Variants in ARMH4 observed in about 807,000 individuals in gnomAD.
ARMH4 encodes armadillo-like helical domain-containing protein 4.
ARMH4 carries 49 observed loss-of-function variants against 61.9 expected under a neutral mutation model. That is an observed-to-expected ratio of 0.79 (90% confidence interval 0.63 to 1.00). The LOEUF is 1.00. Ranked by LOEUF, ARMH4 falls within the 50% of genes least tolerant of loss-of-function variation. The pLI, the probability that ARMH4 is intolerant of heterozygous loss-of-function variation, is 0.00. For synonymous variants in ARMH4, 368 were observed against 341.5 expected (o/e 1.08, Z -0.85); for missense variants, 934 against 930.0 (o/e 1.00, Z -0.06).
chr14:58,014,325 A>G lies in ARMH4; in HGVS notation c.2090-2175T>C, dbSNP rs189377050. On this transcript the variant is annotated intron_variant, in intron 5 of 7. Coordinates refer to ENST00000267485, the MANE Select transcript of ARMH4 (RefSeq NM_001001872.4). ...ATAAGAGCAGGGTCATGGGGAGGTC[A>G]GAAGAAGAAAGCCTAGGAACCTCAA... Among the ~76,000 whole-genome samples the G allele has an allele frequency of 6.0e-3, 909 of 152,258 alleles. 6 individuals are homozygous for G. Among genetic ancestry groups the G allele is most frequent in the Non-Finnish European group, 9.9e-3 (671 of 68,004 alleles).
At chr14:58,048,477 TGA>T (rs1884011564) in intron 5 of ARMH4, among the ~76,000 whole-genome samples, 1 of 152,214 alleles carries the variant, frequency 6.6e-6, no homozygotes, top group Non-Finnish European at 1.5e-5. Flanking sequence ...TGTGTGGTGA[TGA>T]TAAGAGGCAT....
At chr14:58,052,163 T>C (rs1247905808) in intron 5 of ARMH4, among the ~76,000 whole-genome samples, 1 of 152,098 alleles carries the variant, frequency 6.6e-6, no homozygotes, top group Non-Finnish European at 1.5e-5. Context: ...TTTTTCATCT[T>C]CCCAGCTACA....
At chr14:58,048,240 T>A (rs1228129450) in intron 5 of ARMH4, among the ~76,000 whole-genome samples, 1 of 152,204 alleles carries the variant, frequency 6.6e-6, no homozygotes, top group Non-Finnish European at 1.5e-5. Context: ...CAAAGACAAC[T>A]GCATCTTTTA....
At chr14:58,096,048 T>C (rs1421034543) in intron 5 of ARMH4, among the ~76,000 whole-genome samples, 2 of 152,080 alleles carry the variant, frequency 1.3e-5, no homozygotes, top group Non-Finnish European at 2.9e-5. Flanking sequence ...TGGAAGGAAG[T>C]GCTGAGCTGA....
Position 58,138,093 on chromosome 14 carries a change from C to CGT in ARMH4, c.1264_1265dup (p.Glu423ArgfsTer13), listed in dbSNP as rs1244703890. 6.2e-6 allele frequency: 10 copies of CGT among 1,614,026 alleles called. No homozygotes were observed. The highest frequency in any genetic ancestry group is 7.6e-6 in the Non-Finnish European group (9 of 1,180,042). ...GGGCATCGTTTTCCTTGGTGGATTC[C>CGT]GTGAAGTCTCCCGTACTTTGGAGCA... On this transcript the variant is annotated frameshift_variant, in exon 2 of 8. Transcript: ENST00000267485. LOFTEE classifies it high-confidence loss of function.
At chr14:58,011,185 A>G (rs1445556220) in intron 6 of ARMH4, among the ~76,000 whole-genome samples, 1 of 152,192 alleles carries the variant, frequency 6.6e-6, no homozygotes, top group South Asian at 2.1e-4. Flanking sequence ...CTCAAAAACT[A>G]TCTGTGCTAA....
intron 2 of ARMH4, 140 bp from the exon 3 acceptor site, chr14:58,133,481 G>T (rs1887197567): frequency 2.7e-6 from 2 of 742,864 alleles, no homozygotes; most frequent in African/African-American, 3.6e-5. Context: ...GAACTCAGAA[G>T]TAAAATGACA....
chr14:58,140,948 C>A (rs1887527305), intron 1 of ARMH4, among the ~76,000 whole-genome samples: 1 of 152,038 alleles, frequency 6.6e-6, no homozygotes, highest in African/African-American at 2.4e-5. Flanking sequence ...GCCCCTTCCA[C>A]CATGTAGGAC....
At chr14:58,059,654 T>C (rs1382521970) in intron 5 of ARMH4, among the ~76,000 whole-genome samples, 1 of 152,312 alleles carries the variant, frequency 6.6e-6, no homozygotes, top group East Asian at 1.9e-4. Flanking sequence ...TCACCAAAAA[T>C]GTGCCACTGA....
chr14:58,008,845 T>C (rs1882281791), intron 6 of ARMH4, among the ~76,000 whole-genome samples: 1 of 152,228 alleles, frequency 6.6e-6, no homozygotes, highest in South Asian at 2.1e-4. Context: ...CCATGCATTT[T>C]CTGGATGGTT....
At chr14:58,018,633 C>T (rs1882703033) in intron 5 of ARMH4, among the ~76,000 whole-genome samples, 1 of 152,072 alleles carries the variant, frequency 6.6e-6, no homozygotes, top group Admixed American at 6.6e-5. Context: ...CAAGGTTTGG[C>T]CAGGATGTAA....
Position 58,131,709 on chromosome 14 carries a change from G to A in ARMH4, c.1634C>T (p.Thr545Ile), listed in dbSNP as rs200555210. ...GAACTCCTCATTTGGCCCTGTGACT[G>A]TGTCCATTTGTTCTGCCAAACACAA... ...VTPTVEEQMDTVTGPNEEFTP... is the reference protein window; with the variant it reads ...VTPTVEEQMDIVTGPNEEFTP... Residue 545 changes from threonine (T) to isoleucine (I), a missense_variant, in exon 4 of 8, where the codon ACA (threonine) becomes ATA (isoleucine). Coordinates refer to ENST00000267485, the MANE Select transcript of ARMH4 (RefSeq NM_001001872.4). 4 of 1,612,610 alleles carry A rather than the reference G, an allele frequency of 2.5e-6. No individual in the cohort carries two copies. The highest frequency in any genetic ancestry group is 3.3e-5 in the Admixed American group (2 of 60,008).
At chr14:58,012,791 T>G (rs942093101) in intron 5 of ARMH4, among the ~76,000 whole-genome samples, 11 of 152,226 alleles carry the variant, frequency 7.2e-5, no homozygotes, top group African/African-American at 2.7e-4. Context: ...TGAAAAAGGC[T>G]GATCAACTAT....
intron 5 of ARMH4, among the ~76,000 whole-genome samples, chr14:58,072,513 G>A (rs1318748812): frequency 6.6e-6 from 1 of 152,070 alleles, no homozygotes; most frequent in African/African-American, 2.4e-5. Flanking sequence ...GAGGTCAGGA[G>A]TTCAAGACTA....
At chr14:58,110,347 C>T (rs1170402005) in intron 4 of ARMH4, among the ~76,000 whole-genome samples, 1 of 152,220 alleles carries the variant, frequency 6.6e-6, no homozygotes, top group Non-Finnish European at 1.5e-5. Flanking sequence ...GAACGTTTAA[C>T]ATCCACTCTC....
chr14:58,057,736 C>T (rs1444121295), intron 5 of ARMH4, among the ~76,000 whole-genome samples: 3 of 152,152 alleles, frequency 2.0e-5, no homozygotes, highest in African/African-American at 7.2e-5. Context: ...GCTAAGTGTC[C>T]TCTAGAGTAA....
chr14:58,103,522 C>CT (rs1886070753), intron 4 of ARMH4, among the ~76,000 whole-genome samples: 1 of 151,746 alleles, frequency 6.6e-6, no homozygotes, highest in Non-Finnish European at 1.5e-5. Context: ...CTCCCGCCCC[C>CT]CCCAAAAAAA....
chr14:58,087,864 A>C (rs1407416343), intron 5 of ARMH4, among the ~76,000 whole-genome samples: 1 of 152,230 alleles, frequency 6.6e-6, no homozygotes, highest in Non-Finnish European at 1.5e-5. Flanking sequence ...AGAACTGTTC[A>C]TCAGAAGTCT....
intron 4 of ARMH4, among the ~76,000 whole-genome samples, chr14:58,121,595 G>T (rs17832861): frequency 2.0e-5 from 3 of 152,088 alleles, no homozygotes; most frequent in African/African-American, 7.2e-5. Context: ...ATTAGCAAAC[G>T]TGATGAACAT....
Sources: allele counts gnomAD v4.1 joint callset (sites outside exome capture counted in the v4.1 genomes callset), GRCh38; gene constraint gnomAD v4.1.1; transcripts MANE v1.5; gene names NCBI Gene and HGNC (gene_info 2026-07-23, HGNC 2026-07-21).